Variants in ZNF557 observed in about 807,000 individuals in gnomAD.
ZNF557 encodes the protein CTB-25J19.9.
In ZNF557, 19 loss-of-function variants were observed where a neutral mutation model predicts 21.2. The observed-to-expected ratio is 0.90, with a 90% CI of 0.63 to 1.32. The LOEUF (loss-of-function observed/expected upper bound fraction) is 1.32. Among genes scored for constraint, ZNF557 ranks in the 40% most tolerant of loss-of-function variants. ZNF557 has a pLI of 0.00. For missense variants in ZNF557, 487 were observed against 519.8 expected, an observed-to-expected ratio of 0.94 and a Z score of 0.61; for synonymous variants, 207 against 194.8, an observed-to-expected ratio of 1.06 and a Z score of -0.52.
chr19:7,080,574 G>A (rs1977679856), intron 5 of ZNF557, among the ~76,000 whole-genome samples: 1 of 152,196 alleles, frequency 6.6e-6, no homozygotes, highest in Non-Finnish European at 1.5e-5. Context: ...GGAGCCAGCA[G>A]ACAGGTCAGA....
intron 5 of ZNF557, among the ~76,000 whole-genome samples, chr19:7,081,153 GT>G (rs1568409335): frequency 0.034 from 275 of 8,070 alleles, no homozygotes; most frequent in Admixed American, 0.093. Context: ...CTTGTGGGGT[GT>G]GTGTGTGTGT....
At chr19:7,072,854 C>T (rs1397071802) in intron 2 of ZNF557, among the ~76,000 whole-genome samples, 1 of 152,182 alleles carries the variant, frequency 6.6e-6, no homozygotes, top group Non-Finnish European at 1.5e-5. Flanking sequence ...TGACAGGGAT[C>T]TTCCTCCCCT....
At position 7,081,956 on chromosome 19, in the gene ZNF557, T is replaced by G. The variant is rs1977716306; in HGVS notation, c.344-14T>G. ...CTTTTCTATCAACTTAAATTTCTTT[T>G]TAACTTGTTTCAGATGTGGAGAATC... is the stretch of plus-strand genomic sequence containing the variant. On this transcript the variant is annotated splice_polypyrimidine_tract_variant and intron_variant, in intron 6 of 7. Coordinates refer to ENST00000252840, the MANE Select transcript of ZNF557 (RefSeq NM_024341.3). The G allele has an allele frequency of 6.2e-7, 1 of 1,606,628 alleles. No homozygotes were observed. Among genetic ancestry groups the G allele is most frequent in the African/African-American group, 1.3e-5 (1 of 74,642 alleles).
At chr19:7,073,933 A>G (rs1468259131) in intron 2 of ZNF557, among the ~76,000 whole-genome samples, 7 of 151,578 alleles carry the variant, frequency 4.6e-5, no homozygotes, top group Non-Finnish European at 8.8e-5. Context: ...CCAAACTCTT[A>G]CAAGTCTCTA....
intron 5 of ZNF557, among the ~76,000 whole-genome samples, 160 bp from the exon 6 acceptor site, chr19:7,081,200 T>A (rs889291201): frequency 3.1e-4 from 12 of 38,692 alleles, no homozygotes; most frequent in African/African-American, 1.6e-3. Flanking sequence ...TGTGTGTGTG[T>A]GAGTGTTTAA....
At chr19:7,078,722 C>T (rs1977633519) in intron 5 of ZNF557, among the ~76,000 whole-genome samples, 1 of 152,114 alleles carries the variant, frequency 6.6e-6, no homozygotes, top group African/African-American at 2.4e-5. Context: ...TGACCCATTG[C>T]ACCTTGCCAA....
At chr19:7,070,477 A>G (rs766094851) in intron 1 of ZNF557, 85 bp from the exon 2 acceptor site, 3 of 152,196 alleles carry the variant, frequency 2.0e-5, no homozygotes, top group Non-Finnish European at 4.4e-5. Context: ...CAACTGTATT[A>G]GTCTCAGTAA....
intron 5 of ZNF557, among the ~76,000 whole-genome samples, chr19:7,077,891 T>TA (rs1002672515): frequency 4.0e-5 from 6 of 151,874 alleles, no homozygotes; most frequent in Non-Finnish European, 5.9e-5. Flanking sequence ...TTCTATTCCC[T>TA]AAAAAAAATG....
intron 1 of ZNF557, among the ~76,000 whole-genome samples, 161 bp downstream of exon 1, chr19:7,069,934 T>C (rs1178266884): frequency 2.0e-5 from 3 of 152,332 alleles, no homozygotes; most frequent in Admixed American, 1.3e-4. Context: ...CACTCTGTCG[T>C]CCTCACCCTG....
At chr19:7,076,356 A>G (rs1223128347) in intron 4 of ZNF557, 25 bp from the exon 5 acceptor site, 1 of 1,614,126 alleles carries the variant, frequency 6.2e-7, no homozygotes, top group South Asian at 1.1e-5. Flanking sequence ...TCCTTGGCTA[A>G]GCCGTGATGT....
At position 7,084,016 on chromosome 19, in the gene ZNF557, A is replaced by G; in HGVS notation, c.*272A>G. 5.3e-6 allele frequency: 2 copies of G among 374,514 alleles called. No homozygotes were observed. Among genetic ancestry groups the G allele is most frequent in the Non-Finnish European group, 9.7e-6 (2 of 205,822 alleles). 23.2% of individuals were successfully genotyped at this position (374,514 alleles called of 1,614,324 possible). ...ATCCAGAATTGTTACTGGTGAAGGG[A>G]CCACTTCCAAATGGCTTACAAGCCC... On this transcript the variant is annotated 3_prime_UTR_variant, in exon 8 of 8. Coordinates refer to ENST00000252840, the MANE Select transcript of ZNF557 (RefSeq NM_024341.3).
chr19:7,087,688 G>C lies in ZNF557; in HGVS notation c.*3944G>C, dbSNP rs1599848835. The C allele has an allele frequency of 1.4e-5, 2 of 147,320 alleles. No individual in the cohort carries two copies. Among genetic ancestry groups the C allele is most frequent in the African/African-American group, 5.1e-5 (2 of 39,132 alleles). The allele number at this position is 147,320 out of a possible 1,614,324, so 9.1% of individuals were successfully genotyped here. On this transcript the variant is annotated 3_prime_UTR_variant, in exon 8 of 8. Transcript: ENST00000252840. ...ACCACTAATTGGTTAAAACCAAAGA[G>C]AGAGAGAGAGAGAGTGTGTGTGTGT...
rs778400374 is a variant in ZNF557, at chr19:7,083,028, T to TCTTA, written c.579_582dup (p.Ala196ProfsTer5). On this transcript the variant is annotated frameshift_variant, in exon 8 of 8. Coordinates refer to ENST00000252840, the MANE Select transcript of ZNF557 (RefSeq NM_024341.3). LOFTEE classifies it low-confidence loss of function (END_TRUNC). ...ATGTGGGAAATCCTACAGCAGTAGA[T>TCTTA]CTTACCTTGCTGTTCATAAGAGAAT... 3.1e-6 allele frequency: 5 copies of TCTTA among 1,614,112 alleles called. No homozygotes were observed. In the South Asian group the frequency reaches 5.5e-5, roughly 18 times the overall value.
chr19:7,078,402 G>C (rs1325130521), intron 5 of ZNF557, among the ~76,000 whole-genome samples: 2 of 151,534 alleles, frequency 1.3e-5, no homozygotes, highest in Non-Finnish European at 2.9e-5. Context: ...CATCAAATTT[G>C]GGAAAGTTTG....
chr19:7,074,800 GT>G (rs1977546182), intron 2 of ZNF557, among the ~76,000 whole-genome samples, 195 bp from the exon 3 acceptor site: 1 of 85,586 alleles, frequency 1.2e-5, no homozygotes, highest in Non-Finnish European at 2.4e-5. Flanking sequence ...TGGAGGGGGG[GT>G]GTGACCGAGG....
Position 7,083,827 on chromosome 19 carries a change from C to T in ZNF557, c.*83C>T. ...AAACTCTAACAAGATGTATGAATCACCTGCTACTGTGTAACAAATTACCCC... is the reference window on the plus strand; with the variant it reads ...AAACTCTAACAAGATGTATGAATCATCTGCTACTGTGTAACAAATTACCCC... On this transcript the variant is annotated 3_prime_UTR_variant, in exon 8 of 8. Coordinates refer to ENST00000252840, the MANE Select transcript of ZNF557 (RefSeq NM_024341.3). The T allele has an allele frequency of 1.3e-6, 2 of 1,484,334 alleles. No homozygotes were observed. Among genetic ancestry groups the T allele is most frequent in the Non-Finnish European group, 1.8e-6 (2 of 1,105,148 alleles). 91.9% of individuals were successfully genotyped at this position (1,484,334 alleles called of 1,614,324 possible).
rs767317126 is a variant in ZNF557, at chr19:7,075,751, G to A, written c.120+8G>A. On this transcript the variant is annotated splice_region_variant and intron_variant, in intron 4 of 7. Transcript: ENST00000252840. ...CTGAAAAGCTGGCTAAAGGTGAGTC[G>A]GATGTTCCTTTTTCCAAATCATGAT... The A allele has an allele frequency of 1.2e-5, 19 of 1,612,150 alleles. No homozygotes were observed. The highest frequency in any genetic ancestry group is 7.7e-5 in the South Asian group (7 of 91,048).
chr19:7,082,781 G>A, intron 7 of ZNF557, 97 bp from the exon 8 acceptor site: 1 of 1,280,826 alleles, frequency 7.8e-7, no homozygotes, highest in Non-Finnish European at 1.1e-6. Context: ...CCAATACTAT[G>A]ATACACAACA....
Position 7,083,095 on chromosome 19 carries a change from A to G in ZNF557, c.644A>G (p.Lys215Arg). The G allele has an allele frequency of 6.2e-7, 1 of 1,614,184 alleles. No individual in the cohort carries two copies. Among genetic ancestry groups the G allele is most frequent in the Non-Finnish European group, 8.5e-7 (1 of 1,179,990 alleles). Residue 215 changes from lysine (K) to arginine (R), a missense_variant, in exon 8 of 8, where the codon AAA (lysine) becomes AGA (arginine). Physicochemically the swap from Lys to Arg is conservative, Grantham distance 26. Coordinates refer to ENST00000252840, the MANE Select transcript of ZNF557 (RefSeq NM_024341.3). ...CCCTATGAATGCAATGACTGTGGGA[A>G]AACCTTCAGCAGCAGATCTTACCTT... is the stretch of plus-strand genomic sequence containing the variant. Reference protein sequence around the residue: ...EKPYECNDCGKTFSSRSYLTV... With the variant: ...EKPYECNDCGRTFSSRSYLTV...
Sources: allele counts gnomAD v4.1 joint callset (sites outside exome capture counted in the v4.1 genomes callset), GRCh38; gene constraint gnomAD v4.1.1; transcripts MANE v1.5; gene names NCBI Gene and HGNC (gene_info 2026-07-23, HGNC 2026-07-21).